ADGRB3: variants seen among roughly 807,000 people sequenced by gnomAD.
The protein encoded by ADGRB3 is brain-specific angiogenesis inhibitor 3.
A neutral mutation model predicts 193.4 loss-of-function variants in ADGRB3; 37 were observed. The ratio of observed to expected loss-of-function variants is 0.19; its 90% CI spans 0.15 to 0.25. The LOEUF is 0.25. ADGRB3 is among the 10% of genes least tolerant of loss of function. ADGRB3 has a pLI of 1.00. For missense variants in ADGRB3, 1,637 were observed against 1,852.9 expected (o/e 0.88, Z 2.14); for synonymous variants, 690 against 644.2 (o/e 1.07, Z -1.08).
intron 13 of ADGRB3, among the ~76,000 whole-genome samples, chr6:69,040,702 A>C (rs1478260628): frequency 1.6e-5 from 2 of 127,120 alleles, no homozygotes; most frequent in Non-Finnish European, 3.5e-5. Flanking sequence ...AAAAAAAAAA[A>C]AAAAAAACAA....
At chr6:68,844,443 A>G (rs930195997) in intron 3 of ADGRB3, among the ~76,000 whole-genome samples, 1 of 152,190 alleles carries the variant, frequency 6.6e-6, no homozygotes, top group Non-Finnish European at 1.5e-5. Flanking sequence ...CTGCAATGAG[A>G]TATTATCTCA....
At chr6:69,311,014 C>A (rs1303826358) in intron 20 of ADGRB3, among the ~76,000 whole-genome samples, 1 of 151,650 alleles carries the variant, frequency 6.6e-6, no homozygotes, top group Non-Finnish European at 1.5e-5. Context: ...AGAAACTAAC[C>A]TGGTAGGGTT....
At chr6:68,894,213 T>C (rs1044336413) in intron 3 of ADGRB3, among the ~76,000 whole-genome samples, 1 of 151,938 alleles carries the variant, frequency 6.6e-6, no homozygotes, top group Admixed American at 6.6e-5. Context: ...TTGATAACAA[T>C]AATACATCCC....
chr6:68,916,262 G>C (rs1212463627), intron 3 of ADGRB3, among the ~76,000 whole-genome samples: 2 of 152,130 alleles, frequency 1.3e-5, no homozygotes, highest in African/African-American at 4.8e-5. Context: ...TTCTGTAGAT[G>C]GGATAAACAC....
At chr6:69,362,353 A>C (rs892676386) in intron 29 of ADGRB3, among the ~76,000 whole-genome samples, 6 of 151,958 alleles carry the variant, frequency 3.9e-5, no homozygotes, top group Non-Finnish European at 8.8e-5. Context: ...AACACTATCT[A>C]CAGAAAGGCA....
At chr6:69,362,554 T>G (rs1769475800) in intron 29 of ADGRB3, among the ~76,000 whole-genome samples, 1 of 151,944 alleles carries the variant, frequency 6.6e-6, no homozygotes, top group Non-Finnish European at 1.5e-5. Flanking sequence ...GTTTTCCCAA[T>G]TGATTGAGAA....
At chr6:68,749,233 T>C (rs1222366222) in intron 3 of ADGRB3, among the ~76,000 whole-genome samples, 2 of 152,170 alleles carry the variant, frequency 1.3e-5, no homozygotes, top group Non-Finnish European at 2.9e-5. Flanking sequence ...CAGCTTGAAT[T>C]TATCCCAGAA....
At chr6:69,372,898 T>A (rs1769735379) in intron 30 of ADGRB3, among the ~76,000 whole-genome samples, 1 of 152,056 alleles carries the variant, frequency 6.6e-6, no homozygotes, top group Admixed American at 6.6e-5. Context: ...GCTATTTAGG[T>A]TCTCTGCGGT....
At chr6:68,854,288 A>G (rs113038329) in intron 3 of ADGRB3, among the ~76,000 whole-genome samples, 2 of 152,164 alleles carry the variant, frequency 1.3e-5, no homozygotes, top group Non-Finnish European at 2.9e-5. Flanking sequence ...CTTTACTGTT[A>G]AATAGGAAGA....
At chr6:69,352,150 A>G (rs960243193) in intron 26 of ADGRB3, among the ~76,000 whole-genome samples, 5 of 152,226 alleles carry the variant, frequency 3.3e-5, no homozygotes, top group East Asian at 3.9e-4. Context: ...AAGTGTCTGC[A>G]TAATAGAAAA....
chr6:68,805,107 T>C (rs148891452), intron 3 of ADGRB3, among the ~76,000 whole-genome samples: 1 of 152,064 alleles, frequency 6.6e-6, no homozygotes, highest in Non-Finnish European at 1.5e-5. Context: ...TATTTTACTT[T>C]TTCATGGTAG....
At chr6:69,080,105 T>C (rs1053940471) in intron 17 of ADGRB3, among the ~76,000 whole-genome samples, 1 of 152,042 alleles carries the variant, frequency 6.6e-6, no homozygotes, top group African/African-American at 2.4e-5. Flanking sequence ...CCAGAATATC[T>C]TTCTCTCCCT....
chr6:68,789,346 C>T lies in ADGRB3; in HGVS notation c.758-141213C>T, dbSNP rs1253255338. Among the ~76,000 whole-genome samples, 4 of 152,118 alleles carry T rather than the reference C, an allele frequency of 2.6e-5. No homozygotes were observed. The East Asian group carries it at 7.7e-4, about 29-fold the overall frequency. ...CCTTCAGGAGCTCTTTTAGGGCAGG[C>T]CTGGTGGTGACAAAATCTCTCAGCA... On this transcript the variant is annotated intron_variant, in intron 3 of 31. Transcript: ENST00000370598.
intron 24 of ADGRB3, among the ~76,000 whole-genome samples, chr6:69,334,164 G>A (rs1768792680): frequency 6.6e-6 from 1 of 151,708 alleles, no homozygotes; most frequent in Admixed American, 6.6e-5. Context: ...CCTATAGAAA[G>A]TTTACAGCTT....
chr6:68,785,271 G>A (rs1362711548), intron 3 of ADGRB3, among the ~76,000 whole-genome samples: 1 of 151,194 alleles, frequency 6.6e-6, no homozygotes, highest in Non-Finnish European at 1.5e-5. Context: ...TCGTCATTTA[G>A]CATTAGATAT....
At chr6:69,113,291 TATAC>T (rs1236526190) in intron 17 of ADGRB3, among the ~76,000 whole-genome samples, 2 of 148,758 alleles carry the variant, frequency 1.3e-5, no homozygotes, top group Admixed American at 6.6e-5. Context: ...ATATGTACAA[TATAC>T]ATATGTATCA....
At chr6:69,225,616 A>G (rs1267795100) in intron 17 of ADGRB3, among the ~76,000 whole-genome samples, 3 of 152,156 alleles carry the variant, frequency 2.0e-5, no homozygotes, top group African/African-American at 7.2e-5. Flanking sequence ...ACCACCAAAG[A>G]TAGGCAGTCC....
At chr6:68,958,960 T>G (rs1350348421) in intron 8 of ADGRB3, among the ~76,000 whole-genome samples, 4 of 151,778 alleles carry the variant, frequency 2.6e-5, no homozygotes. Context: ...TGCATTTATA[T>G]AAACAAAAAT....
intron 3 of ADGRB3, among the ~76,000 whole-genome samples, chr6:68,851,916 G>C (rs1768410706): frequency 6.6e-6 from 1 of 151,742 alleles, no homozygotes; most frequent in South Asian, 2.1e-4. Context: ...TGATATTCTT[G>C]ACTGATTCAT....
Sources: allele counts gnomAD v4.1 joint callset (sites outside exome capture counted in the v4.1 genomes callset), GRCh38; gene constraint gnomAD v4.1.1; transcripts MANE v1.5; gene names NCBI Gene and HGNC (gene_info 2026-07-23, HGNC 2026-07-21).